Variants in LARGE1 observed in about 807,000 individuals in gnomAD.
LARGE1 encodes the protein LARGE xylosyl- and glucuronyltransferase 1, also known as xylosyl- and glucuronyltransferase LARGE1.
Under a neutral mutation model 87.6 loss-of-function variants are expected in LARGE1, and 43 were observed. That is an observed-to-expected ratio of 0.49 (90% CI 0.38 to 0.63). The LOEUF (loss-of-function observed/expected upper bound fraction) is 0.63, where lower values mean the gene tolerates loss of function less well. Among genes scored for constraint, LARGE1 ranks in the 30% least tolerant of loss-of-function variants. LARGE1 has a pLI of 0.00. For missense variants in LARGE1, 802 were observed against 1,000.2 expected, an observed-to-expected ratio of 0.80 and a Z score of 2.67; for synonymous variants, 434 against 394.6, an observed-to-expected ratio of 1.10 and a Z score of -1.18.
chr22:33,085,458 C>A, the LARGE1 span, among the ~76,000 whole-genome samples: 6 of 152,160 alleles, frequency 3.9e-5, no homozygotes, highest in African/African-American at 1.4e-4. Flanking sequence ...TGCTTTGAAG[C>A]CAAAGCATAT....
At chr22:33,276,063 T>A (rs1315934480) in intron 14 of LARGE1, among the ~76,000 whole-genome samples, 1 of 152,210 alleles carries the variant, frequency 6.6e-6, no homozygotes, top group Admixed American at 6.5e-5. Context: ...ATATTGGAAC[T>A]ATTGGAAGGA....
At chr22:33,531,286 T>C (rs1412216910) in intron 6 of LARGE1, among the ~76,000 whole-genome samples, 1 of 152,254 alleles carries the variant, frequency 6.6e-6, no homozygotes, top group African/African-American at 2.4e-5. Flanking sequence ...GCCTCCCGAA[T>C]AGCTGGGATT....
At chr22:33,337,903 G>A (rs1482690766) in intron 9 of LARGE1, 102 bp from the exon 10 acceptor site, 3 of 1,291,276 alleles carry the variant, frequency 2.3e-6, no homozygotes, top group Admixed American at 3.7e-5. Context: ...AGCATTATTT[G>A]AGGGTCTGCT....
At chr22:33,513,666 C>T (rs2071156451) in intron 6 of LARGE1, among the ~76,000 whole-genome samples, 1 of 152,118 alleles carries the variant, frequency 6.6e-6, no homozygotes, top group African/African-American at 2.4e-5. Flanking sequence ...ACTGATAGAA[C>T]CCTTGAGTTG....
chr22:33,152,315 G>A, the LARGE1 span, among the ~76,000 whole-genome samples: 1 of 152,206 alleles, frequency 6.6e-6, no homozygotes, highest in South Asian at 2.1e-4. Context: ...GTGCTGGCTG[G>A]TGCTGACCAA....
intron 1 of LARGE1, among the ~76,000 whole-genome samples, chr22:33,853,563 C>T (rs1050457839): frequency 1.3e-5 from 2 of 152,228 alleles, no homozygotes; most frequent in African/African-American, 4.8e-5. Flanking sequence ...CAAAACACCA[C>T]ACACCAGTAT....
At chr22:33,290,425 A>G (rs1461819047) in intron 12 of LARGE1, among the ~76,000 whole-genome samples, 1 of 152,206 alleles carries the variant, frequency 6.6e-6, no homozygotes, top group Non-Finnish European at 1.5e-5. Context: ...CAATTTCCGT[A>G]TCTGTAACAT....
intron 6 of LARGE1, among the ~76,000 whole-genome samples, chr22:33,557,462 A>C (rs1171109878): frequency 6.6e-6 from 1 of 152,238 alleles, no homozygotes; most frequent in East Asian, 1.9e-4. Flanking sequence ...AAATTTTCCA[A>C]GTGGAAAATC....
rs372223048 is a variant in LARGE1 at position 33,480,104 on chromosome 22, C to T, written c.788-47839G>A. 3.1e-3 allele frequency among the ~76,000 whole-genome samples: 476 copies of T among 152,270 alleles called. 3 individuals carry two copies. Among genetic ancestry groups the T allele is most frequent in the South Asian group, 0.021 (99 of 4,820 alleles). ...TTCAGTGACTACATCAAGACGCTGACCCTGCCCCCCAGGAGCTACTCAAAG... is the reference window on the plus strand; with the variant it reads ...TTCAGTGACTACATCAAGACGCTGATCCTGCCCCCCAGGAGCTACTCAAAG... On this transcript the variant is annotated intron_variant, in intron 6 of 14. Coordinates refer to ENST00000397394, the MANE Select transcript of LARGE1 (RefSeq NM_133642.5).
intron 6 of LARGE1, among the ~76,000 whole-genome samples, chr22:33,541,747 T>TA (rs35401796): frequency 0.45 from 61,875 of 137,578 alleles, 13,760 homozygotes; most frequent in Non-Finnish European, 0.52. Flanking sequence ...TTCCAAAAAT[T>TA]AAAAAAAAAA....
At chr22:33,644,458 C>A (rs1047211947) in intron 3 of LARGE1, among the ~76,000 whole-genome samples, 1 of 152,168 alleles carries the variant, frequency 6.6e-6, no homozygotes, top group African/African-American at 2.4e-5. Context: ...CAATATCATA[C>A]TGAATGGGCA....
At chr22:33,308,707 C>T (rs1347490583) in intron 11 of LARGE1, among the ~76,000 whole-genome samples, 2 of 152,120 alleles carry the variant, frequency 1.3e-5, no homozygotes, top group Admixed American at 1.3e-4. Context: ...GATAGCCAGA[C>T]AAACCCCCGA....
chr22:33,674,105 C>A lies in LARGE1; in HGVS notation c.107-23437G>T, dbSNP rs1214425855. Among the ~76,000 whole-genome samples the A allele has an allele frequency of 2.0e-5, 3 of 150,642 alleles. No homozygotes were observed. In the South Asian group the frequency reaches 6.4e-4, roughly 32 times the overall value. On this transcript the variant is annotated intron_variant, in intron 2 of 14. Transcript: ENST00000397394. ...ATTACAGGTGTGAGCCACTGCACCC[C>A]GCTAATTTTTTTTATTTTTAGTAGA...
chr22:33,798,930 G>C (rs2086071630), intron 1 of LARGE1, among the ~76,000 whole-genome samples: 1 of 152,168 alleles, frequency 6.6e-6, no homozygotes, highest in African/African-American at 2.4e-5. Flanking sequence ...AACCTTAAAA[G>C]TCAGGCATTT....
At chr22:33,680,369 T>C (rs944373078) in intron 2 of LARGE1, among the ~76,000 whole-genome samples, 1 of 151,922 alleles carries the variant, frequency 6.6e-6, no homozygotes, top group Non-Finnish European at 1.5e-5. Context: ...CAAATTTGTA[T>C]TGATCAGGCT....
rs906446304 is a variant in LARGE1, at chr22:33,493,146, A to G, written c.788-60881T>C. Among the ~76,000 whole-genome samples, 6 of 146,414 alleles carry G rather than the reference A, an allele frequency of 4.1e-5. 1 individual carries two copies. The South Asian group carries it at 6.5e-4, about 16-fold the overall frequency. The stretch of plus-strand genomic sequence containing the variant: ...TATCCAAATGGATAGCTCTACAAGC[A>G]TGGTGGCCTTTTTTTTTTTTTTTTT... On this transcript the variant is annotated intron_variant, in intron 6 of 14. Transcript: ENST00000397394.
chr22:33,100,417 A>G, the LARGE1 span, among the ~76,000 whole-genome samples: 4 of 151,958 alleles, frequency 2.6e-5, no homozygotes, highest in Non-Finnish European at 5.9e-5. Context: ...TCAAAATATC[A>G]TAAAGAAATC....
chr22:33,633,868 G>A (rs765431451), intron 3 of LARGE1, among the ~76,000 whole-genome samples: 1 of 152,178 alleles, frequency 6.6e-6, no homozygotes, highest in African/African-American at 2.4e-5. Flanking sequence ...AGGCAGCAGC[G>A]AGGGTCAGAG....
intron 11 of LARGE1, among the ~76,000 whole-genome samples, chr22:33,236,892 GC>G (rs1406857118): frequency 6.6e-6 from 1 of 152,186 alleles, no homozygotes; most frequent in Non-Finnish European, 1.5e-5. Context: ...TTCTGAACAT[GC>G]CTGTATAGGT....
Sources: gnomAD v4.1 joint callset for allele counts (sites outside exome capture counted in the v4.1 genomes callset) on GRCh38, gnomAD v4.1.1 for gene constraint, MANE v1.5 for transcripts, NCBI Gene and HGNC (gene_info 2026-07-23, HGNC 2026-07-21) for gene names.